The following COL1A1 variants were observed in gnomAD, a reference collection of about 807,000 sequenced individuals.
COL1A1 encodes the protein collagen type I alpha 1 chain, also known as collagen alpha-1(I) chain.
A neutral mutation model predicts 195.7 loss-of-function variants in COL1A1; 21 were observed. The observed-to-expected ratio is 0.11, with a 90% CI of 0.08 to 0.15. The LOEUF is 0.15. Among genes scored for constraint, COL1A1 ranks in the 10% least tolerant of loss-of-function variants. The pLI is 1.00. For synonymous variants in COL1A1, 749 were observed against 747.3 expected (o/e 1.00, Z -0.04); for missense variants, 1,365 against 2,051.0 (o/e 0.67, Z 6.46).
chr17:50,188,666 C>A lies in COL1A1; in HGVS notation c.3100-29G>T. 6.2e-7 allele frequency: 1 copy of A among 1,613,156 alleles called. No homozygotes were observed. Among genetic ancestry groups the A allele is most frequent in the South Asian group, 1.1e-5 (1 of 91,054 alleles). On this transcript the variant is annotated intron_variant, in intron 42 of 50. Coordinates refer to ENST00000225964, the MANE Select transcript of COL1A1 (RefSeq NM_000088.4). This position sits in a 1 kb window ranked among gnomAD's most constrained non-coding sequence, Gnocchi z 5.6. ...GCGGGGAGAGCAGGGGAATATGGGT[C>A]AGCCCCGGGTGAAGGGCCAGGATGG...
chr17:50,188,479 G>A lies in COL1A1; in HGVS notation c.3207+51C>T. 1 of 1,569,154 alleles carries A rather than the reference G, an allele frequency of 6.4e-7. No homozygotes were observed. The highest frequency in any genetic ancestry group is 1.1e-5 in the South Asian group (1 of 90,190). On this transcript the variant is annotated intron_variant, in intron 43 of 50. Transcript: ENST00000225964. The surrounding 1 kb of genome is among the most constrained non-coding windows in gnomAD (Gnocchi z 5.6). ...CATCCCCAGGCCTCTAAGGAGGCCT[G>A]AAGAGTCCCTGGCCTGACCAGGTAC...
rs556916354 is a variant in COL1A1, at chr17:50,190,373, C to T, written c.2405G>A (p.Arg802His). The T allele has an allele frequency of 1.2e-5, 20 of 1,611,168 alleles. No individual in the cohort carries two copies. In the Admixed American group the frequency reaches 2.0e-4, roughly 16 times the overall value. ...PTGARGAPGD[R>H]GEPGPPGPAG... ...AGGGCCGGGGGGACCAGGCTCACCACGGTCTCCCTAGAAGAAAAGGAGTCA... is the reference window on the plus strand; with the variant it reads ...AGGGCCGGGGGGACCAGGCTCACCATGGTCTCCCTAGAAGAAAAGGAGTCA... The change falls in exon 35 of 51, where the codon CGT becomes CAT. Residue 802 changes from arginine (R) to histidine (H), a missense_variant. Arg to His is a conservative substitution (Grantham distance 29). This residue lies in a region of COL1A1 where 671 missense variants were observed against 1,099.9 expected (regional missense o/e 0.61). Transcript: ENST00000225964. The surrounding 1 kb of genome is among the most constrained non-coding windows in gnomAD (Gnocchi z 4.7).
chr17:50,187,259 C>A, intron 46 of COL1A1, 137 bp from the exon 47 acceptor site: 1 of 850,026 alleles, frequency 1.2e-6, no homozygotes, highest in Non-Finnish European at 1.9e-6. Context: ...TTCCATAGGA[C>A]ATGCCATAGC....
chr17:50,197,228 T>C lies in COL1A1; in HGVS notation c.702A>G (p.Glu234=). 1 of 1,612,800 alleles carries C rather than the reference T, an allele frequency of 6.2e-7. No individual in the cohort carries two copies. Residue 234 remains glutamate, a synonymous_variant, in exon 10 of 51, where the codon GAA becomes GAG. Coordinates refer to ENST00000225964, the MANE Select transcript of COL1A1 (RefSeq NM_000088.4). ...CACCAGGACGACCAGGTTTTCCAGC[T>C]TCCCCCTGAGAGGGAGAGAAAAGAC... The part of the protein sequence containing the change: ...GPPGKNGDDG[E]AGKPGRPGER...
In COL1A1 at chr17:50,196,664, T is replaced by C; in HGVS notation, c.811A>G (p.Ser271Gly). The C allele has an allele frequency of 6.2e-7, 1 of 1,614,096 alleles. No homozygotes were observed. Among genetic ancestry groups the C allele is most frequent in the Non-Finnish European group, 8.5e-7 (1 of 1,180,006 alleles). Residue 271 changes from serine (S) to glycine (G), a missense_variant, in exon 12 of 51, where the codon AGT becomes GGT. Transcript: ENST00000225964. Reference protein sequence around the residue: ...LPGMKGHRGFSGLDGAKGDAG... With the variant: ...LPGMKGHRGFGGLDGAKGDAG... ...TCTCCCTTGGCACCATCCAAACCACTGAAACCCTAAAGCAGGAAAGAGGTA... is the reference window on the plus strand; with the variant it reads ...TCTCCCTTGGCACCATCCAAACCACCGAAACCCTAAAGCAGGAAAGAGGTA...
chr17:50,201,261 G>A, intron 1 of COL1A1, 150 bp downstream of exon 1: 1 of 773,542 alleles, frequency 1.3e-6, no homozygotes, highest in Non-Finnish European at 2.2e-6. Context: ...GCTCCCTCCT[G>A]TCTCAGGGCG....
At position 50,197,930 on chromosome 17, in the gene COL1A1, C is replaced by A. The variant is rs1331207381; in HGVS notation, c.642+19G>T. On this transcript the variant is annotated intron_variant, in intron 8 of 50. Coordinates refer to ENST00000225964, the MANE Select transcript of COL1A1 (RefSeq NM_000088.4). The stretch of plus-strand genomic sequence containing the variant: ...GTGTGTTTGTAGAAGGAGTATGAAT[C>A]TGTATAGAGAGTGCTTACTGAAGCT... 6 of 1,613,492 alleles carry A rather than the reference C, an allele frequency of 3.7e-6. No individual in the cohort carries two copies. The highest frequency in any genetic ancestry group is 5.1e-6 in the Non-Finnish European group (6 of 1,179,480).
chr17:50,200,101 T>A, intron 1 of COL1A1, 154 bp from the exon 2 acceptor site: 1 of 838,524 alleles, frequency 1.2e-6, no homozygotes, highest in Non-Finnish European at 2.0e-6. Flanking sequence ...CGCCTGCTCC[T>A]CATCAGCGCG....
Position 50,190,032 on chromosome 17 carries a change from G to C in COL1A1, c.2528C>G (p.Pro843Arg). 6.2e-7 allele frequency: 1 copy of C among 1,613,722 alleles called. No individual in the cohort carries two copies. Among genetic ancestry groups the C allele is most frequent in the Non-Finnish European group, 8.5e-7 (1 of 1,179,928 alleles). ...GCCAGGGGGTCCAGCGGGTCCGGCA[G>C]GGCCAGGGGGACCAGCATCGCCTTT... The part of the protein sequence containing the change: ...GAKGDAGPPG[P>R]AGPAGPPGPI... Residue 843 changes from proline to arginine, a missense_variant, in exon 36 of 51, where the codon CCT becomes CGT. Pro to Arg is a moderately radical substitution (Grantham distance 103). Transcript: ENST00000225964. The surrounding 1 kb of genome is among the most constrained non-coding windows in gnomAD (Gnocchi z 4.7).
chr17:50,189,195 T>C lies in COL1A1; in HGVS notation c.2910A>G (p.Arg970=), dbSNP rs763850566. The change falls in exon 40 of 51, where the codon AGA becomes AGG. Residue 970 remains arginine, a synonymous_variant. Coordinates refer to ENST00000225964, the MANE Select transcript of COL1A1 (RefSeq NM_000088.4). The surrounding 1 kb of genome is among the most constrained non-coding windows in gnomAD (Gnocchi z 5.5). The part of the protein sequence containing the change: ...VVGLPGQRGE[R]GFPGLPGPSG... The stretch of plus-strand genomic sequence containing the variant: ...AGGGGCCAGGAAGACCAGGGAAGCC[T>C]CTCTCTCCTCTCTGACCAGGCAGGC... 2.3e-5 allele frequency: 37 copies of C among 1,612,574 alleles called. No individual in the cohort carries two copies. The highest frequency in any genetic ancestry group is 2.9e-5 in the Non-Finnish European group (34 of 1,179,562).
Position 50,189,800 on chromosome 17 carries a change from C to A in COL1A1, c.2613+59G>T, listed in dbSNP as rs1906905752. On this transcript the variant is annotated intron_variant, in intron 37 of 50. Coordinates refer to ENST00000225964, the MANE Select transcript of COL1A1 (RefSeq NM_000088.4). This position sits in a 1 kb window ranked among gnomAD's most constrained non-coding sequence, Gnocchi z 5.5. ...AACTCATCCGACCCAGCTGCCCTCACCTGCCACCGCTGCCTGGGGAGAGGG... is the reference window on the plus strand; with the variant it reads ...AACTCATCCGACCCAGCTGCCCTCAACTGCCACCGCTGCCTGGGGAGAGGG... The A allele has an allele frequency of 1.2e-6, 2 of 1,612,150 alleles. No individual in the cohort carries two copies. Among genetic ancestry groups the A allele is most frequent in the Non-Finnish European group, 1.7e-6 (2 of 1,178,890 alleles).
Position 50,195,751 on chromosome 17 carries a change from G to T in COL1A1, c.1057-86C>A. 3 of 1,418,568 alleles carry T rather than the reference G, an allele frequency of 2.1e-6. No homozygotes were observed. Among genetic ancestry groups the T allele is most frequent in the Non-Finnish European group, 2.9e-6 (3 of 1,018,360 alleles). 87.9% of individuals were successfully genotyped at this position (1,418,568 alleles called of 1,614,324 possible). On this transcript the variant is annotated intron_variant, in intron 16 of 50. Transcript: ENST00000225964. This position sits in a 1 kb window ranked among gnomAD's most constrained non-coding sequence, Gnocchi z 4.3. ...GATGGCAGGAGGAAGGGGAGACAGG[G>T]ACAGGAGAGCAATGATCAGGACTCT...
Position 50,190,557 on chromosome 17 carries a change from C to A in COL1A1, c.2383G>T (p.Ala795Ser). The change falls in exon 34 of 51, where the codon GCT becomes TCT. Residue 795 changes from alanine (A) to serine (S), a missense_variant. Physicochemically the swap from Ala to Ser is moderately conservative, Grantham distance 99 (BLOSUM62 1). Coordinates refer to ENST00000225964, the MANE Select transcript of COL1A1 (RefSeq NM_000088.4). The surrounding 1 kb of genome is among the most constrained non-coding windows in gnomAD (Gnocchi z 4.7). The stretch of plus-strand genomic sequence containing the variant: ...TCTGTACTTACGGGGGCACCACGAG[C>A]TCCAGTGGGACCAGCAGGGCCGCTG... ...GPSGPAGPTG[A>S]RGAPGDRGEP... is the part of the protein sequence containing the mutation. The A allele has an allele frequency of 6.2e-7, 1 of 1,612,240 alleles. No individual in the cohort carries two copies. The highest frequency in any genetic ancestry group is 8.5e-7 in the Non-Finnish European group (1 of 1,178,986).
Position 50,185,123 on chromosome 17 carries a change from G to C in COL1A1, c.*379C>G, listed in dbSNP as rs917726182. The C allele has an allele frequency of 4.0e-5, 12 of 299,598 alleles. No individual in the cohort carries two copies. Among genetic ancestry groups the C allele is most frequent in the African/African-American group, 1.3e-4 (6 of 46,070 alleles). 18.6% of individuals were successfully genotyped at this position (299,598 alleles called of 1,614,324 possible). ...GAAGGAGTGGAGGGGAGGCCCCAAG[G>C]GGGGTGTGGAGAAAGGAGCAGAAAG... On this transcript the variant is annotated 3_prime_UTR_variant, in exon 51 of 51. Transcript: ENST00000225964.
At chr17:50,197,882 G>A in intron 8 of COL1A1, 67 bp downstream of exon 8, 1 of 1,591,270 alleles carries the variant, frequency 6.3e-7, no homozygotes, top group South Asian at 1.1e-5. Context: ...CCCAGGCCTG[G>A]GAGTTCTTCT....
At chr17:50,197,540 A>G (rs545946740) in intron 9 of COL1A1, among the ~76,000 whole-genome samples, 192 bp downstream of exon 9, 18 of 152,360 alleles carry the variant, frequency 1.2e-4, no homozygotes, top group Admixed American at 9.8e-4. Flanking sequence ...TGAGGAGAAC[A>G]GTCACTTTGT....
Position 50,188,196 on chromosome 17 carries a change from G to A in COL1A1, c.3208-47C>T. On this transcript the variant is annotated intron_variant, in intron 43 of 50. Coordinates refer to ENST00000225964, the MANE Select transcript of COL1A1 (RefSeq NM_000088.4). The surrounding 1 kb of genome is among the most constrained non-coding windows in gnomAD (Gnocchi z 5.6). ...TGAGCTCTTGGCCAGGGAAGGCTGA[G>A]GCTGGGGCTGCAGGATGAGGCCTCC... The A allele has an allele frequency of 6.7e-7, 1 of 1,500,702 alleles. No individual in the cohort carries two copies. Among genetic ancestry groups the A allele is most frequent in the South Asian group, 1.3e-5 (1 of 79,076 alleles). 93.0% of individuals were successfully genotyped at this position (1,500,702 alleles called of 1,614,324 possible). A position where few individuals can be genotyped will look rare whatever the true frequency, so the allele number is the denominator to read the frequency against.
Position 50,189,952 on chromosome 17 carries a change from TG to T in COL1A1, c.2560-41del, listed in dbSNP as rs1169270144. The T allele has an allele frequency of 1.9e-6, 3 of 1,610,796 alleles. No homozygotes were observed. Among genetic ancestry groups the T allele is most frequent in the Non-Finnish European group, 2.5e-6 (3 of 1,178,308 alleles). On this transcript the variant is annotated intron_variant, in intron 36 of 50. Coordinates refer to ENST00000225964, the MANE Select transcript of COL1A1 (RefSeq NM_000088.4). This position sits in a 1 kb window ranked among gnomAD's most constrained non-coding sequence, Gnocchi z 5.5. ...AGAGGCATCAAGCCTGGACCCGTCCTGGGTCCCAGCCCACCAGCCTCGTGGG... is the reference window on the plus strand; with the variant it reads ...AGAGGCATCAAGCCTGGACCCGTCCTGGTCCCAGCCCACCAGCCTCGTGGG...
Position 50,189,303 on chromosome 17 carries a change from C to A in COL1A1, c.2830-28G>T. 6.2e-7 allele frequency: 1 copy of A among 1,613,720 alleles called. No homozygotes were observed. The highest frequency in any genetic ancestry group is 8.5e-7 in the Non-Finnish European group (1 of 1,179,828). On this transcript the variant is annotated intron_variant, in intron 39 of 50. Coordinates refer to ENST00000225964, the MANE Select transcript of COL1A1 (RefSeq NM_000088.4). The surrounding 1 kb of genome is among the most constrained non-coding windows in gnomAD (Gnocchi z 5.5). ...TTGGGAGGCAAACAGGGGTGAGGTG[C>A]CAGAGAGCAGCACAGGGACCCCTCC...
Sources: allele counts gnomAD v4.1 joint callset (sites outside exome capture counted in the v4.1 genomes callset), GRCh38; gene constraint gnomAD v4.1.1; regional missense constraint gnomAD v4.1.1; non-coding constraint Gnocchi (gnomAD v3.1); transcripts MANE v1.5; gene names NCBI Gene and HGNC (gene_info 2026-07-23, HGNC 2026-07-21).